The following SOX5 variants were observed in gnomAD, a reference collection of about 807,000 sequenced individuals.
The protein encoded by SOX5 is transcription factor SOX-5.
SOX5 carries 9 observed loss-of-function variants against 92.0 expected under a neutral mutation model. That is an observed-to-expected ratio of 0.10 (90% CI 0.06 to 0.17). SOX5 has a LOEUF of 0.17. SOX5 is among the 10% of genes least tolerant of loss of function. The probability of loss-of-function intolerance (pLI) is 1.00; values close to 1 mark genes in which losing one functional copy is unlikely to be tolerated. For synonymous variants in SOX5, 344 were observed against 336.3 expected, an observed-to-expected ratio of 1.02 and a Z score of -0.25; for missense variants, 642 against 944.5, an observed-to-expected ratio of 0.68 and a Z score of 4.20.
At chr12:23,896,433 A>C (rs2097178421) in intron 1 of SOX5, among the ~76,000 whole-genome samples, 1 of 152,226 alleles carries the variant, frequency 6.6e-6, no homozygotes, top group Non-Finnish European at 1.5e-5. Flanking sequence ...GAAATAACTA[A>C]AATTTCTTTC....
At chr12:24,111,069 A>G (rs1238433967) in intron 4 of SOX5, among the ~76,000 whole-genome samples, 4 of 152,114 alleles carry the variant, frequency 2.6e-5, no homozygotes, top group Non-Finnish European at 4.4e-5. Flanking sequence ...TAGGGGGTAT[A>G]GCAGCATCTC....
intron 2 of SOX5, among the ~76,000 whole-genome samples, chr12:24,305,606 G>GT (rs889945590): frequency 3.3e-5 from 5 of 152,066 alleles, no homozygotes; most frequent in East Asian, 1.9e-4. Flanking sequence ...TGTGTGTGTG[G>GT]TTTTTTTTGG....
At chr12:24,434,557 T>A (rs11047436) in intron 1 of SOX5, among the ~76,000 whole-genome samples, 46,551 of 152,060 alleles carry the variant, frequency 0.31, 7,286 homozygotes, top group Non-Finnish European at 0.35. Context: ...TTGAAATGTT[T>A]TCCCTAGGGC....
At chr12:23,969,333 T>TC (rs397722931) in intron 4 of SOX5, among the ~76,000 whole-genome samples, 5 of 152,054 alleles carry the variant, frequency 3.3e-5, no homozygotes, top group Admixed American at 6.5e-5. Flanking sequence ...CCATTTTTTT[T>TC]CCCACACTGT....
chr12:24,007,120 G>A (rs765619134), intron 4 of SOX5, among the ~76,000 whole-genome samples: 1 of 132,036 alleles, frequency 7.6e-6, no homozygotes, highest in Non-Finnish European at 1.6e-5. Flanking sequence ...GTGACAGAGC[G>A]AGACTCCATC....
intron 6 of SOX5, among the ~76,000 whole-genome samples, chr12:23,670,845 G>C (rs2084661588): frequency 6.6e-6 from 1 of 152,078 alleles, no homozygotes; most frequent in Non-Finnish European, 1.5e-5. Context: ...AAGATGCCAA[G>C]ACCTTAGGTG....
intron 3 of SOX5, among the ~76,000 whole-genome samples, chr12:24,245,235 TTGTGTGTGTGTGTGTGTGTG>T (rs58384963): frequency 4.8e-5 from 7 of 144,364 alleles, no homozygotes; most frequent in African/African-American, 1.6e-4. Context: ...TTGGAGAGAT[TTGTGTGTGTGTGTGTGTGTG>T]TGTGTGTGTG....
At chr12:24,509,418 T>C (rs1461647998) in intron 1 of SOX5, among the ~76,000 whole-genome samples, 1 of 152,132 alleles carries the variant, frequency 6.6e-6, no homozygotes, top group East Asian at 1.9e-4. Flanking sequence ...GAAGCTTCTA[T>C]GAACATAAAA....
At chr12:23,573,556 A>G (rs1444661065) in intron 10 of SOX5, among the ~76,000 whole-genome samples, 13 of 152,184 alleles carry the variant, frequency 8.5e-5, no homozygotes, top group Admixed American at 7.2e-4. Flanking sequence ...ATTCTAAGAC[A>G]CTCAACTTAC....
At position 24,114,644 on chromosome 12, in the gene SOX5, T is replaced by C. The variant is rs371019220; in HGVS notation, c.-2+98699A>G. Among the ~76,000 whole-genome samples the C allele has an allele frequency of 2.8e-5, 4 of 140,972 alleles. No individual in the cohort carries two copies. In the South Asian group the frequency reaches 9.1e-4, roughly 32 times the overall value. 92.5% of individuals were successfully genotyped at this position (140,972 alleles called of 152,430 possible). A position where few individuals can be genotyped will look rare whatever the true frequency, so the allele number is the denominator to read the frequency against. ...AAAAAATATTGAATTTATAAAATAG[T>C]ATTCTGGCTAGGCATGGGCATAGGG... is the stretch of plus-strand genomic sequence containing the variant. On this transcript the variant is annotated intron_variant, in intron 4 of 4. Coordinates refer to the SOX5 transcript ENST00000446891.
intron 4 of SOX5, among the ~76,000 whole-genome samples, chr12:24,099,156 T>C (rs940217476): frequency 2.0e-5 from 3 of 152,178 alleles, no homozygotes; most frequent in African/African-American, 7.2e-5. Context: ...TTCAATCTTT[T>C]CTTTCTGTAA....
At chr12:24,396,260 T>G (rs1402627477) in intron 1 of SOX5, among the ~76,000 whole-genome samples, 1 of 152,186 alleles carries the variant, frequency 6.6e-6, no homozygotes, top group Non-Finnish European at 1.5e-5. Context: ...CTGCTCCTCG[T>G]CCTTCATTGT....
At position 24,323,848 on chromosome 12, in the gene SOX5, G is replaced by C. The variant is rs533079663; in HGVS notation, c.-174+44715C>G. On this transcript the variant is annotated intron_variant, in intron 2 of 4. Coordinates refer to the SOX5 transcript ENST00000446891. ...ATAAAGTTTATTTATATTTCAGATGGAGGAAGAGGCCAAAAATTTACAAGG... is the reference window on the plus strand; with the variant it reads ...ATAAAGTTTATTTATATTTCAGATGCAGGAAGAGGCCAAAAATTTACAAGG... 2.9e-4 allele frequency among the ~76,000 whole-genome samples: 44 copies of C among 152,220 alleles called. 1 individual carries two copies. The highest frequency in any genetic ancestry group is 2.8e-3 in the Admixed American group (43 of 15,292).
At chr12:24,065,227 C>G (rs1227287607) in intron 4 of SOX5, among the ~76,000 whole-genome samples, 2 of 152,282 alleles carry the variant, frequency 1.3e-5, no homozygotes, top group East Asian at 1.9e-4. Flanking sequence ...TCCTCCAGTT[C>G]TTACCTAATC....
At chr12:23,584,699 A>C (rs1950482826) in intron 9 of SOX5, 10 of 835,640 alleles carry the variant, frequency 1.2e-5, no homozygotes, top group Middle Eastern at 2.4e-4. Context: ...AAATTGTCTA[A>C]GGCACAGAAC....
chr12:24,289,527 C>T lies in SOX5; in HGVS notation c.-173-12215G>A, dbSNP rs1475660300. The stretch of plus-strand genomic sequence containing the variant: ...GGAGTGCAGTGGCGGGATCTCGGCT[C>T]ACTGCAAGCTCCGCCTCCCGGGTTC... On this transcript the variant is annotated intron_variant, in intron 2 of 4. Transcript: ENST00000446891. 3.9e-4 allele frequency among the ~76,000 whole-genome samples: 55 copies of T among 141,416 alleles called. 2 individuals carry two copies. The highest frequency in any genetic ancestry group is 1.4e-4 in the Admixed American group (2 of 14,600). The allele number at this position is 141,416 out of a possible 152,430, so 92.8% of individuals were successfully genotyped here.
chr12:23,831,423 A>G (rs1449086659), intron 3 of SOX5, among the ~76,000 whole-genome samples: 3 of 152,068 alleles, frequency 2.0e-5, no homozygotes, highest in Non-Finnish European at 4.4e-5. Context: ...TGACTCCAAG[A>G]ATTTGTATTG....
chr12:24,513,613 C>T (rs1949519088), intron 1 of SOX5, among the ~76,000 whole-genome samples: 1 of 152,138 alleles, frequency 6.6e-6, no homozygotes, highest in East Asian at 1.9e-4. Flanking sequence ...CGCAAGAATA[C>T]TTGAAGAAGA....
At chr12:23,577,174 C>T (rs980474726) in intron 9 of SOX5, among the ~76,000 whole-genome samples, 1,280 of 93,740 alleles carry the variant, frequency 0.014, 13 homozygotes, top group South Asian at 0.03. Context: ...CACACACACA[C>T]ACATATATAT....
Sources: allele counts gnomAD v4.1 joint callset (sites outside exome capture counted in the v4.1 genomes callset), GRCh38; gene constraint gnomAD v4.1.1; transcripts MANE v1.5; gene names NCBI Gene and HGNC (gene_info 2026-07-23, HGNC 2026-07-21).